NPEPPS: variants seen among roughly 807,000 people sequenced by gnomAD.
The protein encoded by NPEPPS is aminopeptidase puromycin sensitive, also known as puromycin-sensitive aminopeptidase.
In NPEPPS, 14 loss-of-function variants were observed where a neutral mutation model predicts 115.5. The observed-to-expected ratio is 0.12, with a 90% CI of 0.08 to 0.19. The LOEUF is 0.19. Ranked by LOEUF, NPEPPS falls within the 10% of genes least tolerant of loss-of-function variation. The pLI, the probability that NPEPPS is intolerant of heterozygous loss-of-function variation, is 1.00. For missense variants in NPEPPS, 523 were observed against 1,110.8 expected, an observed-to-expected ratio of 0.47 and a Z score of 7.52; for synonymous variants, 285 against 390.6, an observed-to-expected ratio of 0.73 and a Z score of 3.19.
intron 2 of NPEPPS, among the ~76,000 whole-genome samples, chr17:47,546,198 G>A (rs1237304310): frequency 6.6e-6 from 1 of 152,052 alleles, no homozygotes; most frequent in Non-Finnish European, 1.5e-5. Context: ...AGGCTGAGGC[G>A]AGCAGATCCC....
At chr17:47,612,106 G>T (rs545606075) in intron 17 of NPEPPS, among the ~76,000 whole-genome samples, 1 of 152,256 alleles carries the variant, frequency 6.6e-6, no homozygotes, top group Admixed American at 6.5e-5. Flanking sequence ...AGTTCCATAT[G>T]TGATCTTTCT....
At chr17:47,604,318 T>G (rs1687539941) in intron 16 of NPEPPS, among the ~76,000 whole-genome samples, 1 of 152,180 alleles carries the variant, frequency 6.6e-6, no homozygotes, top group South Asian at 2.1e-4. Flanking sequence ...TCAGTAGAAA[T>G]AAATATAAGC....
At chr17:47,603,816 C>T in intron 15 of NPEPPS, 99 bp from the exon 16 acceptor site, 1 of 1,107,542 alleles carries the variant, frequency 9.0e-7, no homozygotes, top group South Asian at 1.6e-5. Flanking sequence ...TGTTTTTCAT[C>T]CAGATATATC....
chr17:47,578,532 T>G (rs1911670779), intron 3 of NPEPPS, among the ~76,000 whole-genome samples: 1 of 152,074 alleles, frequency 6.6e-6, no homozygotes, highest in Non-Finnish European at 1.5e-5. Flanking sequence ...TTATAATTTT[T>G]TATGTTATAA....
intron 19 of NPEPPS, among the ~76,000 whole-genome samples, chr17:47,617,914 C>G (rs1421204852): frequency 6.6e-6 from 1 of 152,096 alleles, no homozygotes; most frequent in Non-Finnish European, 1.5e-5. Context: ...GAGTCTCGCT[C>G]TCTTGCCCAA....
At chr17:47,612,346 GTGTT>G in intron 17 of NPEPPS, 110 bp from the exon 18 acceptor site, 1 of 983,332 alleles carries the variant, frequency 1.0e-6, no homozygotes, top group Non-Finnish European at 1.5e-6. Flanking sequence ...TTAATTGAGT[GTGTT>G]TGTTCAAGAC....
At chr17:47,556,751 C>A (rs1431767901) in intron 2 of NPEPPS, among the ~76,000 whole-genome samples, 1 of 152,232 alleles carries the variant, frequency 6.6e-6, no homozygotes, top group Admixed American at 6.5e-5. Context: ...TCAAGCAATT[C>A]TCTTGCCTCT....
chr17:47,599,666 G>A lies in NPEPPS; in HGVS notation c.1537-10G>A, dbSNP rs1170165414. 3.2e-6 allele frequency: 5 copies of A among 1,556,170 alleles called. No individual in the cohort carries two copies. Among genetic ancestry groups the A allele is most frequent in the Non-Finnish European group, 4.4e-6 (5 of 1,148,690 alleles). On this transcript the variant is annotated splice_polypyrimidine_tract_variant and intron_variant, in intron 13 of 22. Coordinates refer to ENST00000322157, the MANE Select transcript of NPEPPS (RefSeq NM_006310.4). ...TCAGTACTATTATAGCCTTTGTTTT[G>A]CTTCTTTAGGTAGAAGATGACAGAT...
chr17:47,569,735 G>A (rs1244180283), intron 3 of NPEPPS, among the ~76,000 whole-genome samples: 2 of 151,560 alleles, frequency 1.3e-5, no homozygotes, highest in African/African-American at 2.4e-5. Context: ...CTCCTGCGTC[G>A]GCCTCCCGAG....
At chr17:47,565,327 G>A (rs1301232467) in intron 2 of NPEPPS, among the ~76,000 whole-genome samples, 1 of 151,994 alleles carries the variant, frequency 6.6e-6, no homozygotes, top group African/African-American at 2.4e-5. Context: ...TGGCCAACGT[G>A]CTGAAACTCT....
chr17:47,532,528 C>T (rs979501587), intron 1 of NPEPPS, among the ~76,000 whole-genome samples: 1 of 151,794 alleles, frequency 6.6e-6, no homozygotes, highest in Non-Finnish European at 1.5e-5. Flanking sequence ...GTGGCGGGCC[C>T]CTGTAATCTC....
chr17:47,605,236 A>G (rs1298554326), intron 16 of NPEPPS, 97 bp from the exon 17 acceptor site: 28 of 797,656 alleles, frequency 3.5e-5, no homozygotes, highest in Non-Finnish European at 5.0e-5. Flanking sequence ...TCCTTAAACC[A>G]AAGAAATTGC....
chr17:47,591,757 G>T (rs1282725581), intron 10 of NPEPPS, 199 bp from the exon 11 acceptor site: 4 of 457,366 alleles, frequency 8.7e-6, no homozygotes, highest in Non-Finnish European at 1.6e-5. Context: ...CAGGCTCTAA[G>T]GGATGACAGG....
At chr17:47,602,479 G>A (rs1348920564) in intron 15 of NPEPPS, among the ~76,000 whole-genome samples, 1 of 150,086 alleles carries the variant, frequency 6.7e-6, no homozygotes, top group African/African-American at 2.4e-5. Context: ...CTAAAGATAC[G>A]AAAAAAAAAT....
intron 17 of NPEPPS, among the ~76,000 whole-genome samples, chr17:47,608,874 T>A (rs1305203107): frequency 6.6e-6 from 1 of 152,198 alleles, no homozygotes; most frequent in Non-Finnish European, 1.5e-5. Context: ...AACAGAATGA[T>A]GAAGGCTAAT....
rs563953865 is a variant in NPEPPS at position 47,596,346 on chromosome 17, C to T, written c.1427-7C>T. On this transcript the variant is annotated splice_region_variant and splice_polypyrimidine_tract_variant and intron_variant, in intron 12 of 22. Coordinates refer to ENST00000322157, the MANE Select transcript of NPEPPS (RefSeq NM_006310.4). The stretch of plus-strand genomic sequence containing the variant: ...AACATTTTAGATTATCATTGTTTAT[C>T]TTCTAGAGGATCTCTGGGAAAGTTT... 178 of 1,497,086 alleles carry T rather than the reference C, an allele frequency of 1.2e-4. 2 individuals carry two copies. In the South Asian group the frequency reaches 2.0e-3, roughly 17 times the overall value. The allele number at this position is 1,497,086 out of a possible 1,614,324, so 92.7% of individuals were successfully genotyped here. A position where few individuals can be genotyped will look rare whatever the true frequency, so the allele number is the denominator to read the frequency against.
chr17:47,614,250 T>C (rs1401296800), intron 19 of NPEPPS, among the ~76,000 whole-genome samples: 1 of 152,204 alleles, frequency 6.6e-6, no homozygotes, highest in Non-Finnish European at 1.5e-5. Flanking sequence ...ATTACAGGCA[T>C]GAGCTACTGT....
intron 18 of NPEPPS, among the ~76,000 whole-genome samples, 193 bp downstream of exon 18, chr17:47,612,795 C>G (rs1255808166): frequency 1.3e-5 from 2 of 151,910 alleles, no homozygotes; most frequent in Non-Finnish European, 2.9e-5. Context: ...TCCTGGCTAG[C>G]TGATATTACA....
chr17:47,601,352 G>A (rs1913187543), intron 14 of NPEPPS, among the ~76,000 whole-genome samples: 1 of 151,974 alleles, frequency 6.6e-6, no homozygotes, highest in African/African-American at 2.4e-5. Context: ...TTAAGTTTAA[G>A]TCATTGCATT....
Sources: gnomAD v4.1 joint callset for allele counts (sites outside exome capture counted in the v4.1 genomes callset) on GRCh38, gnomAD v4.1.1 for gene constraint, MANE v1.5 for transcripts, NCBI Gene and HGNC (gene_info 2026-07-23, HGNC 2026-07-21) for gene names.